Variants in NIBAN1 observed in about 807,000 individuals in gnomAD.
NIBAN1 encodes niban apoptosis regulator 1.
A neutral mutation model predicts 75.1 loss-of-function variants in NIBAN1; 81 were observed. The observed-to-expected ratio is 1.08, with a 90% CI of 0.90 to 1.30. The LOEUF is 1.30. NIBAN1 is among the 50% of genes most tolerant of loss of function. NIBAN1 has a pLI of 0.00. For synonymous variants in NIBAN1, 436 were observed against 424.8 expected, an observed-to-expected ratio of 1.03 and a Z score of -0.32; for missense variants, 1,133 against 1,128.1, an observed-to-expected ratio of 1.00 and a Z score of -0.06.
intron 5 of NIBAN1, among the ~76,000 whole-genome samples, chr1:184,856,395 AG>A (rs1479708208): frequency 6.6e-6 from 1 of 152,162 alleles, no homozygotes; most frequent in African/African-American, 2.4e-5. Context: ...ACATACAGTA[AG>A]GGTTCTAAAA....
At position 184,857,716 on chromosome 1, in the gene NIBAN1, T is replaced by C. The variant is rs572401950; in HGVS notation, c.602-25754A>G. ...CATATACATATGTGTCTTGAGGTTA[T>C]CTAGGTATTCTTTTCTCTTTTCATA... On this transcript the variant is annotated intron_variant, in intron 5 of 13. Coordinates refer to ENST00000367511, the MANE Select transcript of NIBAN1 (RefSeq NM_052966.4). Among the ~76,000 whole-genome samples, 4 of 152,296 alleles carry C rather than the reference T, an allele frequency of 2.6e-5. No homozygotes were observed. In the East Asian group the frequency reaches 5.8e-4, roughly 22 times the overall value.
chr1:184,887,417 A>C (rs1263142441), intron 4 of NIBAN1, among the ~76,000 whole-genome samples: 1 of 152,238 alleles, frequency 6.6e-6, no homozygotes, highest in Non-Finnish European at 1.5e-5. Context: ...AAGTGACTAC[A>C]TAAAATAAGA....
In NIBAN1 at chr1:184,795,386, C is replaced by T. The variant is rs776359250; in HGVS notation, c.2378G>A (p.Ser793Asn). Reference sequence around the variant, plus strand: ...TCCACTGGCTGGCGGAGAGGCTGGGCTGCCTACCTCTGGAAATCCCCCCAA... The same window carrying T: ...TCCACTGGCTGGCGGAGAGGCTGGGTTGCCTACCTCTGGAAATCCCCCCAA... Reference protein sequence around the residue: ...EELGGFPEVGSPASPPASGGL... With the variant: ...EELGGFPEVGNPASPPASGGL... The change falls in exon 14 of 14, where the codon AGC becomes AAC. Residue 793 changes from serine to asparagine, a missense_variant. Physicochemically the swap from Ser to Asn is conservative, Grantham distance 46. Coordinates refer to ENST00000367511, the MANE Select transcript of NIBAN1 (RefSeq NM_052966.4). The T allele has an allele frequency of 2.5e-6, 4 of 1,604,710 alleles. No individual in the cohort carries two copies. The highest frequency in any genetic ancestry group is 3.4e-6 in the Non-Finnish European group (4 of 1,176,240).
chr1:184,893,089 G>A (rs985084210), intron 3 of NIBAN1, among the ~76,000 whole-genome samples: 3 of 152,140 alleles, frequency 2.0e-5, no homozygotes, highest in African/African-American at 7.2e-5. Context: ...CTATTCTTGA[G>A]CTTAGAGGCC....
At chr1:184,808,640 C>T (rs554277655) in intron 9 of NIBAN1, among the ~76,000 whole-genome samples, 37 of 152,228 alleles carry the variant, frequency 2.4e-4, no homozygotes, top group East Asian at 1.4e-3. Flanking sequence ...TCTCAAAAAA[C>T]GCCAGGGAGG....
intron 1 of NIBAN1, among the ~76,000 whole-genome samples, chr1:184,958,052 C>T (rs1275365806): frequency 6.6e-6 from 1 of 152,048 alleles, no homozygotes; most frequent in African/African-American, 2.4e-5. Flanking sequence ...CCATCTCACC[C>T]ACTGAAAATA....
intron 1 of NIBAN1, among the ~76,000 whole-genome samples, chr1:184,943,810 T>A (rs1282614988): frequency 6.6e-6 from 1 of 152,180 alleles, no homozygotes; most frequent in Non-Finnish European, 1.5e-5. Flanking sequence ...TAAAAATCTT[T>A]ATTAAGTTCT....
chr1:184,865,442 CGGGACTATAGAGGT>C (rs1240694835), intron 5 of NIBAN1, among the ~76,000 whole-genome samples: 1 of 151,990 alleles, frequency 6.6e-6, no homozygotes, highest in African/African-American at 2.4e-5. Flanking sequence ...CAACAATACA[CGGGACTATAGAGGT>C]GGGGGAAGGG....
chr1:184,855,688 G>T (rs115314463), intron 5 of NIBAN1, among the ~76,000 whole-genome samples: 1,550 of 152,184 alleles, frequency 0.01, 23 homozygotes, highest in African/African-American at 0.034. Context: ...TGTGTTCATG[G>T]TCTATTTTCT....
In NIBAN1 at chr1:184,795,105, G is replaced by A. The variant is rs1380226847; in HGVS notation, c.2659C>T (p.Arg887Cys). ...SVNAEEIKVA[R>C]IHECQWVVED... ...ACCACCCACTGACACTCATGAATAC[G>A]GGCTACCTTGATCTCCTCTGCATTC... Residue 887 changes from arginine (R) to cysteine (C), a missense_variant, in exon 14 of 14, where the codon CGT (arginine) becomes TGT (cysteine). Physicochemically the swap from Arg to Cys is radical, Grantham distance 180. Coordinates refer to ENST00000367511, the MANE Select transcript of NIBAN1 (RefSeq NM_052966.4). 1.2e-5 allele frequency: 20 copies of A among 1,613,908 alleles called. No individual in the cohort carries two copies. Among genetic ancestry groups the A allele is most frequent in the Non-Finnish European group, 1.6e-5 (19 of 1,180,054 alleles).
chr1:184,826,415 A>C (rs1349225310), intron 6 of NIBAN1, among the ~76,000 whole-genome samples: 2 of 152,212 alleles, frequency 1.3e-5, no homozygotes, highest in African/African-American at 4.8e-5. Flanking sequence ...CAAGAACCGC[A>C]ATTACTTTTG....
rs1653794420 is a variant in NIBAN1, at chr1:184,794,901, T to C, written c.*76A>G. The stretch of plus-strand genomic sequence containing the variant: ...TACTTAAAAATTTTTTGGTAACAGC[T>C]TGCATGCAACCCCTAAGTGTACCCC... On this transcript the variant is annotated 3_prime_UTR_variant, in exon 14 of 14. Coordinates refer to ENST00000367511, the MANE Select transcript of NIBAN1 (RefSeq NM_052966.4). 1 of 1,592,594 alleles carries C rather than the reference T, an allele frequency of 6.3e-7. No homozygotes were observed. The highest frequency in any genetic ancestry group is 1.3e-5 in the African/African-American group (1 of 74,922).
At chr1:184,953,528 C>A (rs978483488) in intron 1 of NIBAN1, among the ~76,000 whole-genome samples, 3 of 152,112 alleles carry the variant, frequency 2.0e-5, no homozygotes, top group Non-Finnish European at 2.9e-5. Context: ...TTAGAATGAA[C>A]AATGCAGAAA....
intron 1 of NIBAN1, among the ~76,000 whole-genome samples, chr1:184,927,806 A>C (rs1657719500): frequency 6.6e-6 from 1 of 152,084 alleles, no homozygotes; most frequent in South Asian, 2.1e-4. Flanking sequence ...ACCTAGAGTC[A>C]GAAACCTTAG....
chr1:184,820,681 G>T (rs138440003), intron 8 of NIBAN1, among the ~76,000 whole-genome samples: 140 of 152,366 alleles, frequency 9.2e-4, no homozygotes, highest in African/African-American at 3.4e-3. Flanking sequence ...AGTGAAGGAA[G>T]GAGCTGAACA....
intron 5 of NIBAN1, among the ~76,000 whole-genome samples, chr1:184,883,384 A>G (rs1656426227): frequency 6.6e-6 from 1 of 152,202 alleles, no homozygotes; most frequent in South Asian, 2.1e-4. Flanking sequence ...GGAACTCTGT[A>G]TGCTTCATTA....
chr1:184,851,679 A>T lies in NIBAN1; in HGVS notation c.602-19717T>A, dbSNP rs533489795. ...AATTTTAAAAAGAACCAGATTATAC[A>T]TTACATATATATCCTGATTAAGTAA... is the stretch of plus-strand genomic sequence containing the variant. On this transcript the variant is annotated intron_variant, in intron 5 of 13. Transcript: ENST00000367511. Among the ~76,000 whole-genome samples, 298 of 152,118 alleles carry T rather than the reference A, an allele frequency of 2.0e-3. 9 individuals are homozygous for T. The highest frequency in any genetic ancestry group is 6.7e-3 in the African/African-American group (278 of 41,464).
At chr1:184,884,924 T>A in intron 4 of NIBAN1, 124 bp from the exon 5 acceptor site, 1 of 1,217,082 alleles carries the variant, frequency 8.2e-7, no homozygotes, top group Non-Finnish European at 1.1e-6. Context: ...GTGAGATATT[T>A]TCACAGGATA....
chr1:184,912,427 G>T (rs1657265350), intron 1 of NIBAN1, among the ~76,000 whole-genome samples: 1 of 152,060 alleles, frequency 6.6e-6, no homozygotes. Context: ...TAGCCAAACT[G>T]CCCTCCAAAG....
Sources: allele counts gnomAD v4.1 joint callset (sites outside exome capture counted in the v4.1 genomes callset), GRCh38; gene constraint gnomAD v4.1.1; transcripts MANE v1.5; gene names NCBI Gene and HGNC (gene_info 2026-07-23, HGNC 2026-07-21).